Variants in RNF123 observed in about 807,000 individuals in gnomAD.
RNF123 encodes ring finger protein 123, also known as E3 ubiquitin-protein ligase RNF123.
A neutral mutation model predicts 168.5 loss-of-function variants in RNF123; 86 were observed. The observed-to-expected ratio is 0.51, with a 90% CI of 0.43 to 0.61. RNF123 has a LOEUF of 0.61. RNF123 is among the 20% of genes least tolerant of loss of function. The pLI, the probability that RNF123 is intolerant of heterozygous loss-of-function variation, is 0.00. For synonymous variants in RNF123, 666 were observed against 689.1 expected, an observed-to-expected ratio of 0.97 and a Z score of 0.52; for missense variants, 1,419 against 1,729.7, an observed-to-expected ratio of 0.82 and a Z score of 3.19.
rs774052483 is a variant in RNF123 at position 49,703,512 on chromosome 3, G to A, written c.1836G>A (p.Leu612=). 1 of 1,613,998 alleles carries A rather than the reference G, an allele frequency of 6.2e-7. No homozygotes were observed. The highest frequency in any genetic ancestry group is 1.7e-5 in the Admixed American group (1 of 60,012). Residue 612 remains leucine, a synonymous_variant, in exon 21 of 39, where the codon CTG becomes CTA. Coordinates refer to ENST00000327697, the MANE Select transcript of RNF123 (RefSeq NM_022064.5). ...GCCTGGGGGGCCTCCTCTCGCACCTGCGGAAGACCCTCAAAGGTGTGTACA... is the reference window on the plus strand; with the variant it reads ...GCCTGGGGGGCCTCCTCTCGCACCTACGGAAGACCCTCAAAGGTGTGTACA... ...LQRLGGLLSH[L]RKTLKDDLAS...
At chr3:49,715,112 G>A (rs936818646) in intron 31 of RNF123, among the ~76,000 whole-genome samples, 4 of 152,244 alleles carry the variant, frequency 2.6e-5, no homozygotes, top group Non-Finnish European at 4.4e-5. Context: ...CCACCACCTC[G>A]GCCATATGCC....
At chr3:49,711,143 C>T (rs2080137111) in intron 26 of RNF123, among the ~76,000 whole-genome samples, 1 of 152,168 alleles carries the variant, frequency 6.6e-6, no homozygotes, top group South Asian at 2.1e-4. Flanking sequence ...CAAGACCAGC[C>T]TGGCCAACAT....
At chr3:49,707,857 A>T (rs1044635210) in intron 26 of RNF123, among the ~76,000 whole-genome samples, 1 of 151,994 alleles carries the variant, frequency 6.6e-6, no homozygotes, top group Non-Finnish European at 1.5e-5. Context: ...CTCCCTCAGA[A>T]GTTTGGCTGC....
chr3:49,717,004 C>T (rs528634640), intron 35 of RNF123: 77 of 155,684 alleles, frequency 4.9e-4, no homozygotes, highest in African/African-American at 1.6e-3. Flanking sequence ...AGCCAGGGTA[C>T]CGCCTCAGCC....
chr3:49,718,231 C>T, intron 35 of RNF123: 2 of 1,611,768 alleles, frequency 1.2e-6, no homozygotes, highest in Non-Finnish European at 1.7e-6. Context: ...GCGGCAGGCA[C>T]GGCGGCAGCA....
rs2291544 is a variant in RNF123 at position 49,720,961 on chromosome 3, C to G, written c.3739-59C>G. 6.8e-6 allele frequency: 11 copies of G among 1,606,550 alleles called. No homozygotes were observed. In the South Asian group the frequency reaches 1.2e-4, roughly 18 times the overall value. On this transcript the variant is annotated intron_variant, in intron 37 of 38. Transcript: ENST00000327697. Reference sequence around the variant, plus strand: ...TGTGTGCACTCCTACACAGGCACAACGGACATCCACATAGCCAGGCATCCA... The same window carrying G: ...TGTGTGCACTCCTACACAGGCACAAGGGACATCCACATAGCCAGGCATCCA...
Position 49,713,565 on chromosome 3 carries a change from C to G in RNF123, c.2727C>G (p.Ala909=). The G allele has an allele frequency of 1.9e-6, 3 of 1,612,456 alleles. No homozygotes were observed. Among genetic ancestry groups the G allele is most frequent in the East Asian group, 4.5e-5 (2 of 44,834 alleles). ...RLAAILAKHF[A]DARIVGTDIR... ...CTGCCATTCTCGCCAAACACTTTGC[C>G]GACGCACGCATTGTGGGCACTGGTG... The change falls in exon 28 of 39, where the codon GCC becomes GCG. Residue 909 remains alanine, a synonymous_variant. Coordinates refer to ENST00000327697, the MANE Select transcript of RNF123 (RefSeq NM_022064.5).
At chr3:49,716,546 C>T in intron 35 of RNF123, 69 bp downstream of exon 35, 1 of 1,290,488 alleles carries the variant, frequency 7.7e-7, no homozygotes, top group Non-Finnish European at 1.1e-6. Context: ...TGGACAGGGC[C>T]TCCTGGTACT....
At position 49,698,555 on chromosome 3, in the gene RNF123, G is replaced by T. The variant is rs376685153; in HGVS notation, c.570+29G>T. On this transcript the variant is annotated intron_variant, in intron 8 of 38. Transcript: ENST00000327697. The stretch of plus-strand genomic sequence containing the variant: ...AGAGCCAAGCCCCTGTGGGTCATCC[G>T]CCCCATGACTGTTACTACAGCTTAT... 7 of 1,608,054 alleles carry T rather than the reference G, an allele frequency of 4.4e-6. No homozygotes were observed. The African/African-American group carries it at 8.0e-5, about 18-fold the overall frequency.
intron 26 of RNF123, among the ~76,000 whole-genome samples, chr3:49,712,156 C>T (rs1328256210): frequency 6.6e-6 from 1 of 151,042 alleles, no homozygotes; most frequent in African/African-American, 2.4e-5. Flanking sequence ...ACTTGGGAGG[C>T]GGAGGTTTCC....
intron 15 of RNF123, 32 bp from the exon 16 acceptor site, chr3:49,701,459 G>T: frequency 6.3e-7 from 1 of 1,574,872 alleles, no homozygotes; most frequent in South Asian, 1.1e-5. Context: ...AGTGCCCTTT[G>T]GCAAGCAGAG....
chr3:49,712,736 C>A, intron 27 of RNF123, 80 bp downstream of exon 27: 1 of 1,505,556 alleles, frequency 6.6e-7, no homozygotes, highest in Non-Finnish European at 9.2e-7. Flanking sequence ...TCTGAGACCT[C>A]TGTGGCCCAG....
chr3:49,713,838 T>C lies in RNF123; in HGVS notation c.2837+13T>C. 6.2e-7 allele frequency: 1 copy of C among 1,613,008 alleles called. No individual in the cohort carries two copies. Among genetic ancestry groups the C allele is most frequent in the Non-Finnish European group, 8.5e-7 (1 of 1,179,724 alleles). On this transcript the variant is annotated intron_variant, in intron 29 of 38. Coordinates refer to ENST00000327697, the MANE Select transcript of RNF123 (RefSeq NM_022064.5). ...TCCCCGAGGAGCAGTGAGTGGGGCC[T>C]GGGGGGCACACACCCTGGCCACAAG...
chr3:49,717,588 G>A (rs985791816), intron 35 of RNF123: 1 of 318,308 alleles, frequency 3.1e-6, no homozygotes, highest in Non-Finnish European at 5.9e-6. Context: ...TTCTTCCACA[G>A]GCTGTAGAAG....
rs200193624 is a variant in RNF123, at chr3:49,719,089, C to T, written c.3501-1422C>T. 1.4e-5 allele frequency: 23 copies of T among 1,613,612 alleles called. No homozygotes were observed. In the Admixed American group the frequency reaches 2.3e-4, roughly 16 times the overall value. Reference sequence around the variant, plus strand: ...CGCCCCCAGCCCGTCGAGGTCGTGGCGGCCAAGCGCCCGCAACGTGTTAGA... The same window carrying T: ...CGCCCCCAGCCCGTCGAGGTCGTGGTGGCCAAGCGCCCGCAACGTGTTAGA... On this transcript the variant is annotated intron_variant, in intron 35 of 38. Transcript: ENST00000327697.
chr3:49,715,509 A>G, intron 31 of RNF123, 66 bp from the exon 32 acceptor site: 5 of 1,595,484 alleles, frequency 3.1e-6, no homozygotes, highest in Non-Finnish European at 4.3e-6. Context: ...GGGCGAGGAC[A>G]GAGGCAAACA....
intron 2 of RNF123, 84 bp from the exon 3 acceptor site, chr3:49,691,341 A>G (rs1445286871): frequency 1.9e-6 from 3 of 1,588,074 alleles, no homozygotes; most frequent in African/African-American, 1.3e-5. Context: ...TGGCTGGCCT[A>G]GGACCAGAAG....
At chr3:49,710,826 G>T (rs562053567) in intron 26 of RNF123, among the ~76,000 whole-genome samples, 1 of 152,194 alleles carries the variant, frequency 6.6e-6, no homozygotes, top group African/African-American at 2.4e-5. Context: ...GGGAGGGAGG[G>T]ATTATAGTCT....
chr3:49,718,958 C>T, intron 35 of RNF123: 1 of 1,613,784 alleles, frequency 6.2e-7, no homozygotes, highest in Non-Finnish European at 8.5e-7. Flanking sequence ...GAGAACGAGG[C>T]GAGTTCGTTG....
Sources: allele counts gnomAD v4.1 joint callset (sites outside exome capture counted in the v4.1 genomes callset), GRCh38; gene constraint gnomAD v4.1.1; transcripts MANE v1.5; gene names NCBI Gene and HGNC (gene_info 2026-07-23, HGNC 2026-07-21).